Variants in DYNC1LI1 observed in about 807,000 individuals in gnomAD.
The protein encoded by DYNC1LI1 is cytoplasmic dynein 1 light intermediate chain 1.
In DYNC1LI1, 19 loss-of-function variants were observed where a neutral mutation model predicts 63.8. That is an observed-to-expected ratio of 0.30 (90% CI 0.21 to 0.44). DYNC1LI1 has a LOEUF of 0.44. Among genes scored for constraint, DYNC1LI1 ranks in the 20% least tolerant of loss-of-function variants. The pLI is 1.00. For synonymous variants in DYNC1LI1, 225 were observed against 232.3 expected (o/e 0.97, Z 0.28); for missense variants, 565 against 630.2 (o/e 0.90, Z 1.11).
At chr3:32,560,974 C>T (rs1157527648) in intron 2 of DYNC1LI1, among the ~76,000 whole-genome samples, 1 of 119,064 alleles carries the variant, frequency 8.4e-6, no homozygotes, top group Non-Finnish European at 1.6e-5. Flanking sequence ...TGCACTCCAG[C>T]CTGGGCAACA....
At chr3:32,536,752 T>C (rs189555862) in intron 6 of DYNC1LI1, among the ~76,000 whole-genome samples, 11 of 152,304 alleles carry the variant, frequency 7.2e-5, no homozygotes, top group Admixed American at 2.0e-4. Flanking sequence ...ACTAGACTTT[T>C]CCACATACAA....
chr3:32,548,532 A>T (rs776563432), intron 2 of DYNC1LI1, among the ~76,000 whole-genome samples: 17 of 152,186 alleles, frequency 1.1e-4, no homozygotes, highest in Admixed American at 5.9e-4. Flanking sequence ...ATGCAACCTT[A>T]AAAAGTTGAT....
At chr3:32,536,973 G>T in intron 6 of DYNC1LI1, 38 bp downstream of exon 6, 1 of 1,184,346 alleles carries the variant, frequency 8.4e-7, no homozygotes, top group Non-Finnish European at 1.2e-6. Context: ...AACAGGTAAA[G>T]TGATACACTG....
chr3:32,538,523 A>AC (rs779844517), intron 5 of DYNC1LI1, among the ~76,000 whole-genome samples: 6 of 151,750 alleles, frequency 4.0e-5, no homozygotes, highest in Non-Finnish European at 8.8e-5. Context: ...ACACGGTGAA[A>AC]CCCCGTCTCC....
intron 2 of DYNC1LI1, among the ~76,000 whole-genome samples, chr3:32,546,373 A>G (rs1697953223): frequency 6.6e-6 from 1 of 151,950 alleles, no homozygotes; most frequent in Non-Finnish European, 1.5e-5. Flanking sequence ...GTGCCACTGT[A>G]CTCCAGGCTG....
intron 7 of DYNC1LI1, among the ~76,000 whole-genome samples, chr3:32,533,917 C>T (rs1432764867): frequency 7.0e-6 from 1 of 142,692 alleles, no homozygotes; most frequent in Non-Finnish European, 1.5e-5. Context: ...CGATCTGTCA[C>T]CTAAGCTGGA....
chr3:32,561,931 A>C (rs1183925210), intron 2 of DYNC1LI1, among the ~76,000 whole-genome samples: 1 of 152,208 alleles, frequency 6.6e-6, no homozygotes, highest in Non-Finnish European at 1.5e-5. Context: ...CAAACAAATA[A>C]TATAAATCAT....
chr3:32,555,620 C>T (rs1698104810), intron 2 of DYNC1LI1, among the ~76,000 whole-genome samples: 1 of 152,186 alleles, frequency 6.6e-6, no homozygotes, highest in Non-Finnish European at 1.5e-5. Flanking sequence ...TATAAGTGAG[C>T]ATTCACTAAG....
intron 10 of DYNC1LI1, 113 bp from the exon 11 acceptor site, chr3:32,529,773 T>C: frequency 1.1e-6 from 1 of 908,190 alleles, no homozygotes; most frequent in Non-Finnish European, 1.6e-6. Context: ...ACTGGTACTT[T>C]TACACTGCAA....
intron 3 of DYNC1LI1, chr3:32,545,574 A>C: frequency 2.4e-6 from 1 of 414,816 alleles, no homozygotes; most frequent in Non-Finnish European, 4.3e-6. Context: ...AACAATCACT[A>C]TCTGAGGGAA....
At chr3:32,561,026 A>AAAAAAAC (rs1698184990) in intron 2 of DYNC1LI1, among the ~76,000 whole-genome samples, 2 of 141,298 alleles carry the variant, frequency 1.4e-5, no homozygotes, top group Non-Finnish European at 3.0e-5. Context: ...AAAAAAAAAA[A>AAAAAAAC]AAAAAAACAA....
At chr3:32,537,439 C>T (rs1248584349) in intron 5 of DYNC1LI1, among the ~76,000 whole-genome samples, 1 of 152,034 alleles carries the variant, frequency 6.6e-6, no homozygotes, top group African/African-American at 2.4e-5. Flanking sequence ...CTACTTATAA[C>T]CTGGAACAAA....
rs556223373 is a variant in DYNC1LI1, at chr3:32,544,736, T to C, written c.568+140A>G. 5 of 626,516 alleles carry C rather than the reference T, an allele frequency of 8.0e-6. No individual in the cohort carries two copies. The South Asian group carries it at 1.0e-4, about 13-fold the overall frequency. The allele number at this position is 626,516 out of a possible 1,614,324, so 38.8% of individuals were successfully genotyped here. The stretch of plus-strand genomic sequence containing the variant: ...CAGCCTGGGTGACAGAACAAGACTC[T>C]TGTCTCCAAAAAAAAAAAAAAAGTA... On this transcript the variant is annotated intron_variant, in intron 4 of 12. Transcript: ENST00000273130.
intron 5 of DYNC1LI1, among the ~76,000 whole-genome samples, chr3:32,539,330 G>C (rs1697845649): frequency 6.6e-6 from 1 of 151,982 alleles, no homozygotes; most frequent in South Asian, 2.1e-4. Flanking sequence ...CTAGGTTTTA[G>C]ATTTTTTAAT....
chr3:32,542,865 G>C (rs1183589065), intron 4 of DYNC1LI1, among the ~76,000 whole-genome samples: 2 of 152,184 alleles, frequency 1.3e-5, no homozygotes, highest in African/African-American at 4.8e-5. Context: ...CAAGGAATAG[G>C]GAATCCCGAA....
chr3:32,543,423 G>A (rs556319816), intron 4 of DYNC1LI1, among the ~76,000 whole-genome samples: 45 of 135,210 alleles, frequency 3.3e-4, no homozygotes, highest in Non-Finnish European at 5.8e-4. Context: ...TTTTTGAGAC[G>A]GAGTCTTGCT....
intron 2 of DYNC1LI1, among the ~76,000 whole-genome samples, chr3:32,555,176 T>C (rs1046659379): frequency 2.0e-5 from 3 of 152,226 alleles, no homozygotes; most frequent in African/African-American, 4.8e-5. Flanking sequence ...ACCCTGGTAA[T>C]TGAAAATTGA....
rs1698340300 is a variant in DYNC1LI1, at chr3:32,570,799, A to C, written c.-29T>G. On this transcript the variant is annotated 5_prime_UTR_variant, in exon 1 of 13. Coordinates refer to ENST00000273130, the MANE Select transcript of DYNC1LI1 (RefSeq NM_016141.4). ...GGTCGGGAATCACACCACTCCCGGC[A>C]AGACTAAATGTGCGAGGCGGCTGAG... is the stretch of plus-strand genomic sequence containing the variant. 2 of 1,594,746 alleles carry C rather than the reference A, an allele frequency of 1.3e-6. No homozygotes were observed. Among genetic ancestry groups the C allele is most frequent in the South Asian group, 1.1e-5 (1 of 89,460 alleles).
chr3:32,543,396 T>C (rs1382432678), intron 4 of DYNC1LI1, among the ~76,000 whole-genome samples: 1 of 148,520 alleles, frequency 6.7e-6, no homozygotes, highest in Non-Finnish European at 1.5e-5. Context: ...TGTATTTCCT[T>C]TCTTTTTTTT....
Sources: gnomAD v4.1 joint callset for allele counts (sites outside exome capture counted in the v4.1 genomes callset) on GRCh38, gnomAD v4.1.1 for gene constraint, MANE v1.5 for transcripts, NCBI Gene and HGNC (gene_info 2026-07-23, HGNC 2026-07-21) for gene names.